Variants in ABCC9 observed in about 807,000 individuals in gnomAD.
ABCC9 encodes ATP-binding cassette sub-family C member 9.
ABCC9 carries 95 observed loss-of-function variants against 188.3 expected under a neutral mutation model. The ratio of observed to expected loss-of-function variants is 0.50; its 90% confidence interval spans 0.43 to 0.60. The LOEUF (loss-of-function observed/expected upper bound fraction) is 0.60. ABCC9 is among the 20% of genes least tolerant of loss of function. The pLI is 0.00. For missense variants in ABCC9, 1,102 were observed against 1,876.3 expected (o/e 0.59, Z 7.62); for synonymous variants, 659 against 652.7 (o/e 1.01, Z -0.15).
chr12:21,848,078 C>G lies in ABCC9; in HGVS notation c.2866+72G>C. The G allele has an allele frequency of 2.3e-6, 3 of 1,311,226 alleles. No homozygotes were observed. In the South Asian group the frequency reaches 3.6e-5, roughly 16 times the overall value. The allele number at this position is 1,311,226 out of a possible 1,614,324, so 81.2% of individuals were successfully genotyped here. A position where few individuals can be genotyped will look rare whatever the true frequency, so the allele number is the denominator to read the frequency against. On this transcript the variant is annotated intron_variant, in intron 25 of 39. Coordinates refer to ENST00000261200, the MANE Select transcript of ABCC9 (RefSeq NM_020297.4). ...AGTGGCTTATTATTCCTCATGGAGACACTCACACATAAAAAACCCTCGCAT... is the reference window on the plus strand; with the variant it reads ...AGTGGCTTATTATTCCTCATGGAGAGACTCACACATAAAAAACCCTCGCAT...
chr12:21,803,511 C>T (rs890631218), intron 39 of ABCC9, among the ~76,000 whole-genome samples: 6 of 151,720 alleles, frequency 4.0e-5, no homozygotes, highest in Admixed American at 1.3e-4. Flanking sequence ...CAAAATTAGC[C>T]GGGCATGGTG....
chr12:21,832,538 C>T (rs1353143950), intron 30 of ABCC9, among the ~76,000 whole-genome samples: 1 of 151,964 alleles, frequency 6.6e-6, no homozygotes. Context: ...CTTTACGTCC[C>T]TAATCATCAG....
Position 21,817,245 on chromosome 12 carries a change from T to C in ABCC9, c.3834A>G (p.Ala1278=). ...NLADLEVQMG[A]VKKVNSFLTM... is the part of the protein sequence containing the mutation. ...TCAGGAAACTGTTCACCTTCTTCAC[T>C]GCACCCATCTGGACCTCCAGGTCAG... Residue 1278 remains alanine (A), a synonymous_variant, in exon 33 of 40, where the codon GCA becomes GCG. Coordinates refer to ENST00000261200, the MANE Select transcript of ABCC9 (RefSeq NM_020297.4). 1.2e-6 allele frequency: 2 copies of C among 1,613,826 alleles called. No individual in the cohort carries two copies. The highest frequency in any genetic ancestry group is 1.7e-6 in the Non-Finnish European group (2 of 1,179,784).
chr12:21,842,935 G>A (rs1431427110), intron 28 of ABCC9, among the ~76,000 whole-genome samples: 2 of 151,788 alleles, frequency 1.3e-5, no homozygotes, highest in African/African-American at 4.8e-5. Flanking sequence ...TTTCCTTATT[G>A]ATTTTTAGAT....
chr12:21,819,054 C>G (rs2137202857), intron 31 of ABCC9, among the ~76,000 whole-genome samples: 1 of 152,132 alleles, frequency 6.6e-6, no homozygotes, highest in East Asian at 1.9e-4. Flanking sequence ...AAAATTAAAA[C>G]AATTCTTTAA....
At chr12:21,903,488 TTATC>T (rs1159432539) in intron 12 of ABCC9, among the ~76,000 whole-genome samples, 2 of 152,174 alleles carry the variant, frequency 1.3e-5, no homozygotes, top group African/African-American at 4.8e-5. Context: ...GGAAGTCAAA[TTATC>T]CCTGTTTGCA....
intron 38 of ABCC9, among the ~76,000 whole-genome samples, chr12:21,806,387 G>A (rs1941847694): frequency 6.6e-6 from 1 of 152,178 alleles, no homozygotes; most frequent in Non-Finnish European, 1.5e-5. Context: ...TTTGAAACCA[G>A]CAAAATTCTG....
At chr12:21,900,623 A>T (rs1027935840) in intron 12 of ABCC9, among the ~76,000 whole-genome samples, 3 of 152,244 alleles carry the variant, frequency 2.0e-5, no homozygotes, top group Admixed American at 6.5e-5. Flanking sequence ...CAATGACCTG[A>T]TGGATCTGAA....
intron 30 of ABCC9, among the ~76,000 whole-genome samples, 171 bp downstream of exon 30, chr12:21,837,907 A>T (rs1291256696): frequency 6.6e-6 from 1 of 152,100 alleles, no homozygotes; most frequent in Non-Finnish European, 1.5e-5. Context: ...GGATGAGTAA[A>T]CTCTAACTCT....
chr12:21,832,757 C>T (rs747787173), intron 30 of ABCC9, among the ~76,000 whole-genome samples: 3 of 152,094 alleles, frequency 2.0e-5, no homozygotes, highest in Non-Finnish European at 4.4e-5. Flanking sequence ...TTTGATCCAG[C>T]AAACCCACTA....
intron 31 of ABCC9, among the ~76,000 whole-genome samples, chr12:21,824,034 AG>A (rs1943208865): frequency 6.6e-6 from 1 of 152,240 alleles, no homozygotes; most frequent in Non-Finnish European, 1.5e-5. Flanking sequence ...GATCTTCCAT[AG>A]GGAAAACTAT....
In ABCC9 at chr12:21,815,906, A is replaced by T; in HGVS notation, c.3893-13T>A. On this transcript the variant is annotated splice_polypyrimidine_tract_variant and intron_variant, in intron 33 of 39. Coordinates refer to ENST00000261200, the MANE Select transcript of ABCC9 (RefSeq NM_020297.4). ...ACTTGAGAAGGATCTGGAGGATGGG[A>T]TGGGGAAATAGACAGATAATAGGCA... 1.2e-6 allele frequency: 2 copies of T among 1,611,336 alleles called. No individual in the cohort carries two copies. Among genetic ancestry groups the T allele is most frequent in the Non-Finnish European group, 1.7e-6 (2 of 1,178,204 alleles).
Position 21,848,151 on chromosome 12 carries a change from T to A in ABCC9, c.2865A>T (p.Glu955Asp), listed in dbSNP as rs922212635. The change falls in exon 25 of 40, where the codon GAA (glutamate) becomes GAT (aspartate). Residue 955 changes from glutamate to aspartate, a missense_variant and splice_region_variant. Glu to Asp is a conservative substitution (Grantham distance 45). This residue lies in a region of ABCC9 where 131 missense variants were observed against 170.2 expected (regional missense o/e 0.77). Transcript: ENST00000261200. ...CCAGATAAAAGAAAAAAGATCTACC[T>A]TCGTCTTCGTCCTCCATCTGGGCTT... ...EAKAQMEDED[E>D]EEEEEEDEDD... The A allele has an allele frequency of 2.1e-5, 34 of 1,613,050 alleles. No individual in the cohort carries two copies. Among genetic ancestry groups the A allele is most frequent in the Non-Finnish European group, 2.9e-5 (34 of 1,179,268 alleles).
At chr12:21,873,298 A>G (rs1177373528) in intron 17 of ABCC9, among the ~76,000 whole-genome samples, 1 of 152,118 alleles carries the variant, frequency 6.6e-6, no homozygotes, top group African/African-American at 2.4e-5. Flanking sequence ...GCTATTGTGG[A>G]TAGTATTGTT....
chr12:21,929,185 C>T (rs151312375), intron 4 of ABCC9, among the ~76,000 whole-genome samples: 143 of 151,948 alleles, frequency 9.4e-4, no homozygotes, highest in African/African-American at 3.2e-3. Flanking sequence ...ATTTTGTCTC[C>T]TACAAAGTGT....
chr12:21,797,631 A>G lies in ABCC9; in HGVS notation c.*3413T>C, dbSNP rs143249920. 4 of 152,304 alleles carry G rather than the reference A, an allele frequency of 2.6e-5. No homozygotes were observed. The highest frequency in any genetic ancestry group is 3.4e-3 in the Middle Eastern group (1 of 294). The allele number at this position is 152,304 out of a possible 1,614,324, so 9.4% of individuals were successfully genotyped here. ...GGTTAGGCACTTGTATTAAATTCCA[A>G]GGGCACAATGGCAAACAAGACATGG... On this transcript the variant is annotated 3_prime_UTR_variant, in exon 40 of 40. Coordinates refer to ENST00000261200, the MANE Select transcript of ABCC9 (RefSeq NM_020297.4).
chr12:21,855,381 C>T (rs904751364), intron 22 of ABCC9, among the ~76,000 whole-genome samples: 2 of 151,944 alleles, frequency 1.3e-5, no homozygotes, highest in Non-Finnish European at 2.9e-5. Context: ...CACCACGCCC[C>T]GCTAATTTTT....
intron 30 of ABCC9, among the ~76,000 whole-genome samples, chr12:21,835,814 T>G (rs1592026949): frequency 6.6e-6 from 1 of 152,298 alleles, no homozygotes; most frequent in Non-Finnish European, 1.5e-5. Context: ...TAGATATCTC[T>G]TAGACATCAG....
At chr12:21,814,359 C>T (rs2137163468) in intron 35 of ABCC9, among the ~76,000 whole-genome samples, 1 of 152,290 alleles carries the variant, frequency 6.6e-6, no homozygotes, top group Non-Finnish European at 1.5e-5. Flanking sequence ...CCACCTCCAC[C>T]TACTGCTATT....
Sources: allele counts gnomAD v4.1 joint callset (sites outside exome capture counted in the v4.1 genomes callset), GRCh38; gene constraint gnomAD v4.1.1; regional missense constraint gnomAD v4.1.1; transcripts MANE v1.5; gene names NCBI Gene and HGNC (gene_info 2026-07-23, HGNC 2026-07-21).